THSD4: variants seen among roughly 807,000 people sequenced by gnomAD.
THSD4 encodes thrombospondin type-1 domain-containing protein 4.
In THSD4, 69 loss-of-function variants were observed where a neutral mutation model predicts 119.0. That is an observed-to-expected ratio of 0.58 (90% CI 0.48 to 0.71). The LOEUF is 0.71. THSD4 is among the 30% of genes least tolerant of loss of function. The pLI, the probability that THSD4 is intolerant of heterozygous loss-of-function variation, is 0.00. For missense variants in THSD4, 1,393 were observed against 1,391.1 expected (o/e 1.00, Z -0.02); for synonymous variants, 524 against 540.4 (o/e 0.97, Z 0.42).
chr15:71,390,434 G>C (rs1164085658), intron 6 of THSD4, among the ~76,000 whole-genome samples: 4 of 152,132 alleles, frequency 2.6e-5, no homozygotes, highest in South Asian at 2.1e-4. Flanking sequence ...AAAAGTATTG[G>C]AAGATTCAGG....
intron 6 of THSD4, among the ~76,000 whole-genome samples, chr15:71,313,516 C>G (rs1001350302): frequency 3.3e-5 from 5 of 152,238 alleles, no homozygotes; most frequent in Middle Eastern, 3.4e-3. Context: ...AGCATTAGGA[C>G]ACACAGCTAA....
intron 7 of THSD4, among the ~76,000 whole-genome samples, chr15:71,657,694 T>C (rs1357823039): frequency 6.6e-6 from 1 of 152,154 alleles, no homozygotes; most frequent in Non-Finnish European, 1.5e-5. Flanking sequence ...CTTGGCATCC[T>C]TGTGCAGCCG....
At chr15:71,456,539 A>G (rs563551761) in intron 7 of THSD4, among the ~76,000 whole-genome samples, 35 of 152,300 alleles carry the variant, frequency 2.3e-4, no homozygotes, top group Non-Finnish European at 4.7e-4. Context: ...CATTTCACAG[A>G]TGGGAAAACT....
intron 16 of THSD4, among the ~76,000 whole-genome samples, chr15:71,768,323 C>T (rs549028902): frequency 6.6e-6 from 1 of 151,176 alleles, no homozygotes; most frequent in East Asian, 1.9e-4. Context: ...GGTCCAACTT[C>T]CAATGTTCAG....
intron 3 of THSD4, among the ~76,000 whole-genome samples, chr15:71,214,721 A>G (rs2043915872): frequency 6.6e-6 from 1 of 152,202 alleles, no homozygotes; most frequent in African/African-American, 2.4e-5. Flanking sequence ...TGGGAAGTCC[A>G]GTCCCTCTGG....
At chr15:71,633,178 T>C (rs779381829) in intron 7 of THSD4, among the ~76,000 whole-genome samples, 1 of 151,956 alleles carries the variant, frequency 6.6e-6, no homozygotes, top group African/African-American at 2.4e-5. Flanking sequence ...GTGAGAAAGA[T>C]ACCACAGAGG....
At chr15:71,737,046 A>G (rs1221594792) in intron 10 of THSD4, among the ~76,000 whole-genome samples, 1 of 152,118 alleles carries the variant, frequency 6.6e-6, no homozygotes, top group African/African-American at 2.4e-5. Flanking sequence ...TCTTTTCAAA[A>G]CTCACATAGT....
intron 6 of THSD4, 35 bp from the exon 7 acceptor site, chr15:71,411,652 T>C: frequency 6.3e-7 from 1 of 1,579,912 alleles, no homozygotes; most frequent in Non-Finnish European, 8.6e-7. Flanking sequence ...TTATACCTTA[T>C]CTTTATTTTA....
At chr15:71,641,403 C>G (rs1034426729) in intron 7 of THSD4, among the ~76,000 whole-genome samples, 3 of 151,874 alleles carry the variant, frequency 2.0e-5, no homozygotes, top group African/African-American at 7.3e-5. Context: ...GTTAAACCCC[C>G]CAGGTCTTTA....
At chr15:71,172,361 A>G (rs1439748685) in intron 3 of THSD4, among the ~76,000 whole-genome samples, 1 of 151,952 alleles carries the variant, frequency 6.6e-6, no homozygotes, top group Non-Finnish European at 1.5e-5. Context: ...AAATGGATAA[A>G]TGTATGATGT....
intron 4 of THSD4, among the ~76,000 whole-genome samples, chr15:71,221,662 G>T (rs1176372526): frequency 6.6e-6 from 1 of 152,048 alleles, no homozygotes; most frequent in Non-Finnish European, 1.5e-5. Context: ...ACCACATTTT[G>T]CTTATCCTTT....
chr15:71,146,281 A>G (rs1449980949), intron 2 of THSD4, among the ~76,000 whole-genome samples: 1 of 152,126 alleles, frequency 6.6e-6, no homozygotes, highest in Non-Finnish European at 1.5e-5. Flanking sequence ...CACAAACCAC[A>G]CCCATAAGCA....
chr15:71,673,871 C>T (rs772419033), intron 8 of THSD4, among the ~76,000 whole-genome samples: 3 of 152,200 alleles, frequency 2.0e-5, no homozygotes, highest in African/African-American at 7.2e-5. Flanking sequence ...ATTCTCCTGC[C>T]TCAGCCTCCC....
intron 7 of THSD4, among the ~76,000 whole-genome samples, chr15:71,554,782 T>G (rs1488647555): frequency 6.6e-6 from 1 of 152,104 alleles, no homozygotes. Flanking sequence ...TCCAGCTCTT[T>G]AGTGGAGTGA....
At chr15:71,367,691 C>T (rs2045983702) in intron 6 of THSD4, among the ~76,000 whole-genome samples, 2 of 152,178 alleles carry the variant, frequency 1.3e-5, no homozygotes, top group South Asian at 2.1e-4. Flanking sequence ...CATTGATGGA[C>T]ATTTGGGTTG....
intron 11 of THSD4, among the ~76,000 whole-genome samples, chr15:71,742,853 A>G (rs1361216733): frequency 6.6e-6 from 1 of 152,116 alleles, no homozygotes; most frequent in Non-Finnish European, 1.5e-5. Context: ...TCAGGAGTTT[A>G]AGACAAGCCT....
chr15:71,749,184 C>T (rs1216529461), intron 14 of THSD4, among the ~76,000 whole-genome samples: 6 of 152,240 alleles, frequency 3.9e-5, no homozygotes, highest in Non-Finnish European at 8.8e-5. Context: ...ATGAATGCAC[C>T]TAATGCCCTG....
chr15:71,215,720 C>T (rs948119795), intron 4 of THSD4, among the ~76,000 whole-genome samples: 7 of 152,064 alleles, frequency 4.6e-5, no homozygotes, highest in African/African-American at 1.7e-4. Context: ...GAGTGCTGTC[C>T]GGGTGCCGGG....
intron 7 of THSD4, among the ~76,000 whole-genome samples, chr15:71,479,543 T>C (rs982127865): frequency 6.6e-6 from 1 of 152,186 alleles, no homozygotes; most frequent in Admixed American, 6.5e-5. Context: ...TTCACAGATA[T>C]GCATCTCGGA....
Sources: gnomAD v4.1 joint callset for allele counts (sites outside exome capture counted in the v4.1 genomes callset) on GRCh38, gnomAD v4.1.1 for gene constraint, MANE v1.5 for transcripts, NCBI Gene and HGNC (gene_info 2026-07-23, HGNC 2026-07-21) for gene names.